The following BAG5 variants were observed in gnomAD, a reference collection of about 807,000 sequenced individuals.
BAG5 encodes the protein BAG cochaperone 5, also known as BAG family molecular chaperone regulator 5.
In BAG5, 25 loss-of-function variants were observed where a neutral mutation model predicts 31.8. That is an observed-to-expected ratio of 0.79 (90% CI 0.57 to 1.10). The LOEUF is 1.10. Ranked by LOEUF, BAG5 falls within the 50% of genes least tolerant of loss-of-function variation. BAG5 has a pLI of 0.00. For synonymous variants in BAG5, 208 were observed against 205.0 expected (o/e 1.01, Z -0.13); for missense variants, 491 against 527.9 (o/e 0.93, Z 0.68).
intron 1 of BAG5, among the ~76,000 whole-genome samples, chr14:103,561,476 C>T (rs905134952): frequency 2.0e-5 from 3 of 152,218 alleles, no homozygotes; most frequent in African/African-American, 7.2e-5. Context: ...TCACCGTACG[C>T]GACACAAACT....
intron 1 of BAG5, chr14:103,562,260 C>T: frequency 2.0e-6 from 1 of 489,972 alleles, no homozygotes; most frequent in Non-Finnish European, 3.7e-6. Flanking sequence ...GTGAAGGGGC[C>T]GCTACTGGCT....
Position 103,560,150 on chromosome 14 carries a change from C to A in BAG5, c.1015G>T (p.Val339Leu), listed in dbSNP as rs772997426. ...REARRRAVIE[V>L]QTLITYIDLK... ...TCAATATATGTGATCAGAGTTTGCA[C>A]CTCGATCACTGCTCTTCTCCTGGCT... Residue 339 changes from valine (V) to leucine (L), a missense_variant, in exon 2 of 2, where the codon GTG becomes TTG. Physicochemically the swap from Val to Leu is conservative, Grantham distance 32. Coordinates refer to ENST00000299204, the MANE Select transcript of BAG5 (RefSeq NM_001015048.3). 12 of 1,614,140 alleles carry A rather than the reference C, an allele frequency of 7.4e-6. No homozygotes were observed. Among genetic ancestry groups the A allele is most frequent in the Non-Finnish European group, 1.0e-5 (12 of 1,180,032 alleles).
At position 103,557,459 on chromosome 14, in the gene BAG5, A is replaced by G. The variant is rs556209429; in HGVS notation, c.*2362T>C. On this transcript the variant is annotated 3_prime_UTR_variant, in exon 2 of 2. Transcript: ENST00000299204. ...GTGAACAATTCAAAATGACGGTGGA[A>G]GAGCTGAGCACCCTGTACTCACACA... 6 of 152,332 alleles carry G rather than the reference A, an allele frequency of 3.9e-5. No individual in the cohort carries two copies. In the South Asian group the frequency reaches 1.2e-3, roughly 32 times the overall value. The allele number at this position is 152,332 out of a possible 1,614,324, so 9.4% of individuals were successfully genotyped here.
chr14:103,558,887 C>T lies in BAG5; in HGVS notation c.*934G>A, dbSNP rs2076053050. ...CTGTCCATTTTACAGCCTTGGACAA[C>T]AGAAGAGAACCATTATGTGCTACAT... On this transcript the variant is annotated 3_prime_UTR_variant, in exon 2 of 2. Transcript: ENST00000299204. 6.6e-6 allele frequency: 1 copy of T among 152,180 alleles called. No homozygotes were observed. Among genetic ancestry groups the T allele is most frequent in the South Asian group, 2.1e-4 (1 of 4,830 alleles). 9.4% of individuals were successfully genotyped at this position (152,180 alleles called of 1,614,324 possible).
At chr14:103,561,302 C>T in intron 1 of BAG5, 110 bp from the exon 2 acceptor site, 1 of 1,178,516 alleles carries the variant, frequency 8.5e-7, no homozygotes, top group Non-Finnish European at 1.2e-6. Flanking sequence ...TACTTCTGAG[C>T]AGTCATCCCA....
chr14:103,560,966 C>T lies in BAG5; in HGVS notation c.199G>A (p.Ala67Thr), dbSNP rs1358567443. The change falls in exon 2 of 2, where the codon GCT (alanine) becomes ACT (threonine). Residue 67 changes from alanine (A) to threonine (T), a missense_variant. By Grantham distance (58) the Ala-to-Thr change is moderately conservative. Transcript: ENST00000299204. ...GTCTCCTGTGCTGCCCGCTTCCTAG[C>T]TTGCTGAATATCTCCTTTTCCTTCA... ...DTEGKGDIQQ[A>T]RKRAAQETER... The T allele has an allele frequency of 3.1e-6, 5 of 1,614,174 alleles. No homozygotes were observed. The highest frequency in any genetic ancestry group is 2.2e-5 in the East Asian group (1 of 44,886).
At position 103,560,551 on chromosome 14, in the gene BAG5, A is replaced by C. The variant is rs750356043; in HGVS notation, c.614T>G (p.Met205Arg). The change falls in exon 2 of 2, where the codon ATG (methionine) becomes AGG (arginine). Residue 205 changes from methionine to arginine, a missense_variant. By Grantham distance (91) the Met-to-Arg change is moderately conservative. Transcript: ENST00000299204. ...GCAGGTCTCATTGTTGTTCACACCC[A>C]TCAGAAGTGCAATCAGGACCCCTCG... ...KARGVLIALL[M>R]GVNNNETCRH... 1 of 1,614,006 alleles carries C rather than the reference A, an allele frequency of 6.2e-7. No homozygotes were observed. Among genetic ancestry groups the C allele is most frequent in the East Asian group, 2.2e-5 (1 of 44,896 alleles).
chr14:103,561,876 C>T, intron 1 of BAG5: 2 of 1,511,476 alleles, frequency 1.3e-6, no homozygotes, highest in Non-Finnish European at 1.8e-6. Flanking sequence ...AAACAACCCG[C>T]GAAAACGTGG....
chr14:103,562,616 C>T lies in BAG5; in HGVS notation c.-29G>A. The T allele has an allele frequency of 5.5e-6, 1 of 183,192 alleles. No homozygotes were observed. Among genetic ancestry groups the T allele is most frequent in the Non-Finnish European group, 1.1e-5 (1 of 88,644 alleles). 11.3% of individuals were successfully genotyped at this position (183,192 alleles called of 1,614,324 possible). Reference sequence around the variant, plus strand: ...AGGCTACAAGCCGCGCTTCGCTCACCTGTCCCGCCCGCGCCATCGCGCGAT... The same window carrying T: ...AGGCTACAAGCCGCGCTTCGCTCACTTGTCCCGCCCGCGCCATCGCGCGAT... On this transcript the variant is annotated splice_region_variant and 5_prime_UTR_variant, in exon 1 of 2. The change creates a new upstream start codon in the 5' untranslated region. Transcript: ENST00000299204.
In BAG5 at chr14:103,560,776, A is replaced by G. The variant is rs780494384; in HGVS notation, c.389T>C (p.Ile130Thr). Residue 130 changes from isoleucine (I) to threonine (T), a missense_variant, in exon 2 of 2, where the codon ATC becomes ACC. Transcript: ENST00000299204. ...TDEFEEGIQD[I>T]ILRLTHVKTG... is the part of the protein sequence containing the mutation. Reference sequence around the variant, plus strand: ...TTTAACATGTGTCAGCCTCAGAATGATATCTTGGATGCCTTCTTCAAACTC... The same window carrying G: ...TTTAACATGTGTCAGCCTCAGAATGGTATCTTGGATGCCTTCTTCAAACTC... 20 of 1,614,070 alleles carry G rather than the reference A, an allele frequency of 1.2e-5. No homozygotes were observed. In the Middle Eastern group the frequency reaches 4.9e-4, roughly 40 times the overall value.
At position 103,559,735 on chromosome 14, in the gene BAG5, C is replaced by G. The variant is rs536452354; in HGVS notation, c.*86G>C. The G allele has an allele frequency of 4.8e-6, 7 of 1,452,414 alleles. No individual in the cohort carries two copies. The highest frequency in any genetic ancestry group is 6.5e-6 in the Non-Finnish European group (7 of 1,080,874). 90.0% of individuals were successfully genotyped at this position (1,452,414 alleles called of 1,614,324 possible). A position where few individuals can be genotyped will look rare whatever the true frequency, so the allele number is the denominator to read the frequency against. On this transcript the variant is annotated 3_prime_UTR_variant, in exon 2 of 2. Coordinates refer to ENST00000299204, the MANE Select transcript of BAG5 (RefSeq NM_001015048.3). Reference sequence around the variant, plus strand: ...ATAAATACTGAGACTGAAATATGCACGTATAAATCAATGAACTGAAAGCTC... The same window carrying G: ...ATAAATACTGAGACTGAAATATGCAGGTATAAATCAATGAACTGAAAGCTC...
rs1205041443 is a variant in BAG5 at position 103,558,822 on chromosome 14, C to T, written c.*999G>A. On this transcript the variant is annotated 3_prime_UTR_variant, in exon 2 of 2. Coordinates refer to ENST00000299204, the MANE Select transcript of BAG5 (RefSeq NM_001015048.3). ...CCCTCTGGGTTACTGACAGCGTCTA[C>T]CCTCACGTTGTAAAACAGCACCGGG... The T allele has an allele frequency of 1.3e-5, 2 of 152,202 alleles. No homozygotes were observed. Among genetic ancestry groups the T allele is most frequent in the Non-Finnish European group, 2.9e-5 (2 of 68,048 alleles). 9.4% of individuals were successfully genotyped at this position (152,202 alleles called of 1,614,324 possible).
chr14:103,561,524 C>G (rs988859682), intron 1 of BAG5, among the ~76,000 whole-genome samples: 1 of 152,170 alleles, frequency 6.6e-6, no homozygotes, highest in Non-Finnish European at 1.5e-5. Flanking sequence ...AAAGGTGAAA[C>G]AGTAGCTCTT....
Position 103,559,897 on chromosome 14 carries a change from G to A in BAG5, c.1268C>T (p.Ala423Val). The change falls in exon 2 of 2, where the codon GCC (alanine) becomes GTC (valine). Residue 423 changes from alanine to valine, a missense_variant. Ala to Val is a moderately conservative substitution (Grantham distance 64). Coordinates refer to ENST00000299204, the MANE Select transcript of BAG5 (RefSeq NM_001015048.3). ...CGCAAGCCTCACAGCTTGTTTCCTG[G>A]CAGCCTTACACTTCTCTTCTCCCTG... ...DPQGEEKCKA[A>V]RKQAVRLAQN... The A allele has an allele frequency of 6.2e-7, 1 of 1,614,142 alleles. No individual in the cohort carries two copies. The highest frequency in any genetic ancestry group is 8.5e-7 in the Non-Finnish European group (1 of 1,180,042).
Position 103,560,135 on chromosome 14 carries a change from T to C in BAG5, c.1030A>G (p.Thr344Ala), listed in dbSNP as rs1277150705. 6.2e-7 allele frequency: 1 copy of C among 1,614,162 alleles called. No individual in the cohort carries two copies. Among genetic ancestry groups the C allele is most frequent in the Non-Finnish European group, 8.5e-7 (1 of 1,180,032 alleles). The part of the protein sequence containing the change: ...RAVIEVQTLI[T>A]YIDLKEALEK... ...AGGGCCTCCTTCAAGTCAATATATG[T>C]GATCAGAGTTTGCACCTCGATCACT... Residue 344 changes from threonine to alanine, a missense_variant, in exon 2 of 2, where the codon ACA becomes GCA. Physicochemically the swap from Thr to Ala is moderately conservative, Grantham distance 58 (BLOSUM62 0). Coordinates refer to ENST00000299204, the MANE Select transcript of BAG5 (RefSeq NM_001015048.3).
In BAG5 at chr14:103,558,085, C is replaced by T. The variant is rs1260806390; in HGVS notation, c.*1736G>A. 6.6e-6 allele frequency: 1 copy of T among 152,178 alleles called. No homozygotes were observed. The highest frequency in any genetic ancestry group is 1.5e-5 in the Non-Finnish European group (1 of 68,028). 9.4% of individuals were successfully genotyped at this position (152,178 alleles called of 1,614,324 possible). A position where few individuals can be genotyped will look rare whatever the true frequency, so the allele number is the denominator to read the frequency against. ...AATCCTACAACTACTGTGGCCAAAACGTGGATTCCAATGACCTGCCTTGAG... is the reference window on the plus strand; with the variant it reads ...AATCCTACAACTACTGTGGCCAAAATGTGGATTCCAATGACCTGCCTTGAG... On this transcript the variant is annotated 3_prime_UTR_variant, in exon 2 of 2. Transcript: ENST00000299204.
Position 103,557,780 on chromosome 14 carries a change from G to T in BAG5, c.*2041C>A, listed in dbSNP as rs1300453166. 6.6e-6 allele frequency: 1 copy of T among 152,120 alleles called. No homozygotes were observed. The highest frequency in any genetic ancestry group is 1.5e-5 in the Non-Finnish European group (1 of 68,042). The allele number at this position is 152,120 out of a possible 1,614,324, so 9.4% of individuals were successfully genotyped here. On this transcript the variant is annotated 3_prime_UTR_variant, in exon 2 of 2. Coordinates refer to ENST00000299204, the MANE Select transcript of BAG5 (RefSeq NM_001015048.3). ...GGGGCCGAGGCGGGCGGATCACGAG[G>T]TCAGGAGTTCGAGACCAGCCTGACC...
At chr14:103,562,045 G>C in intron 1 of BAG5, 1 of 1,446,840 alleles carries the variant, frequency 6.9e-7, no homozygotes, top group Non-Finnish European at 9.7e-7. Flanking sequence ...GCCACGGAGG[G>C]AAGGCGGCCC....
Position 103,560,490 on chromosome 14 carries a change from A to G in BAG5, c.675T>C (p.Ala225=). Residue 225 remains alanine, a synonymous_variant, in exon 2 of 2, where the codon GCT becomes GCC. Coordinates refer to ENST00000299204, the MANE Select transcript of BAG5 (RefSeq NM_001015048.3). ...CGCACACATCTAGAGCATCCAGGTC[A>G]GCGATCAGCCCCGAGAGCACACAGG... is the stretch of plus-strand genomic sequence containing the variant. The part of the protein sequence containing the change: ...HLSCVLSGLI[A]DLDALDVCGR... The G allele has an allele frequency of 3.1e-6, 5 of 1,614,102 alleles. No individual in the cohort carries two copies. Among genetic ancestry groups the G allele is most frequent in the Non-Finnish European group, 4.2e-6 (5 of 1,180,036 alleles).
Sources: gnomAD v4.1 joint callset for allele counts (sites outside exome capture counted in the v4.1 genomes callset) on GRCh38, gnomAD v4.1.1 for gene constraint, MANE v1.5 for transcripts, NCBI Gene and HGNC (gene_info 2026-07-23, HGNC 2026-07-21) for gene names.